Variants in SPATS2L observed in about 807,000 individuals in gnomAD.
SPATS2L encodes the protein SPATS2-like protein.
In SPATS2L, 30 loss-of-function variants were observed where a neutral mutation model predicts 59.6. The ratio of observed to expected loss-of-function variants is 0.50; its 90% CI spans 0.38 to 0.68. SPATS2L has a LOEUF of 0.68. SPATS2L is among the 30% of genes least tolerant of loss of function. SPATS2L has a pLI of 0.00. For synonymous variants in SPATS2L, 252 were observed against 263.5 expected (o/e 0.96, Z 0.42); for missense variants, 615 against 700.0 (o/e 0.88, Z 1.37).
intron 1 of SPATS2L, among the ~76,000 whole-genome samples, chr2:200,315,735 T>G (rs2079349237): frequency 6.6e-6 from 1 of 151,838 alleles, no homozygotes; most frequent in African/African-American, 2.4e-5. Flanking sequence ...TGAGTTGGCC[T>G]GAAGGGCTTT....
intron 2 of SPATS2L, among the ~76,000 whole-genome samples, chr2:200,378,642 T>C (rs1464260702): frequency 6.6e-6 from 1 of 152,212 alleles, no homozygotes; most frequent in Non-Finnish European, 1.5e-5. Context: ...ACTAGGAGTG[T>C]TCTGACTCAA....
At chr2:200,423,729 C>A (rs1372427123) in intron 6 of SPATS2L, among the ~76,000 whole-genome samples, 3 of 152,240 alleles carry the variant, frequency 2.0e-5, no homozygotes, top group African/African-American at 4.8e-5. Flanking sequence ...TATAGTGGAG[C>A]ATTTATCAAG....
Position 200,389,495 on chromosome 2 carries a change from T to C in SPATS2L, c.39+212T>C, listed in dbSNP as rs1462232930. On this transcript the variant is annotated intron_variant, in intron 3 of 12. Transcript: ENST00000409140. ...ATATGACACTCATTTTTTCATTTAC[T>C]CTTGACCATAACCCCATAAAGAAGA... 7 of 477,170 alleles carry C rather than the reference T, an allele frequency of 1.5e-5. 1 individual carries two copies. The highest frequency in any genetic ancestry group is 3.6e-5 in the South Asian group (1 of 28,116). The allele number at this position is 477,170 out of a possible 1,614,324, so 29.6% of individuals were successfully genotyped here. A position where few individuals can be genotyped will look rare whatever the true frequency, so the allele number is the denominator to read the frequency against.
intron 2 of SPATS2L, among the ~76,000 whole-genome samples, chr2:200,387,479 T>A (rs1574352066): frequency 6.6e-6 from 1 of 152,228 alleles, no homozygotes; most frequent in Non-Finnish European, 1.5e-5. Flanking sequence ...ATTTGATAAT[T>A]TGTCTCTCTG....
At chr2:200,427,223 T>A (rs2083630722) in intron 6 of SPATS2L, among the ~76,000 whole-genome samples, 1 of 152,152 alleles carries the variant, frequency 6.6e-6, no homozygotes, top group South Asian at 2.1e-4. Flanking sequence ...AAGATTTAAC[T>A]GTTTCTATTA....
At chr2:200,471,675 C>CATAGG (rs1330268128) in intron 11 of SPATS2L, among the ~76,000 whole-genome samples, 1 of 152,184 alleles carries the variant, frequency 6.6e-6, no homozygotes, top group Non-Finnish European at 1.5e-5. Flanking sequence ...ATCTGGTGAG[C>CATAGG]ATAGGAGCCA....
At chr2:200,429,448 C>T (rs1049152237) in intron 6 of SPATS2L, among the ~76,000 whole-genome samples, 1 of 152,142 alleles carries the variant, frequency 6.6e-6, no homozygotes, top group Non-Finnish European at 1.5e-5. Context: ...GTGTGGCTAC[C>T]AGAGGAACGT....
At chr2:200,465,814 C>T (rs1204584747) in intron 9 of SPATS2L, among the ~76,000 whole-genome samples, 1 of 152,136 alleles carries the variant, frequency 6.6e-6, no homozygotes, top group Non-Finnish European at 1.5e-5. Context: ...AGGCAGATCA[C>T]GAGGTCAGGA....
chr2:200,388,627 A>G (rs1370351215), intron 2 of SPATS2L, among the ~76,000 whole-genome samples: 1 of 139,324 alleles, frequency 7.2e-6, no homozygotes, highest in East Asian at 2.4e-4. Flanking sequence ...CCCCCCACCC[A>G]GAAAAAGACT....
At chr2:200,367,681 A>G (rs2081307316) in intron 2 of SPATS2L, among the ~76,000 whole-genome samples, 1 of 142,750 alleles carries the variant, frequency 7.0e-6, no homozygotes, top group Non-Finnish European at 1.5e-5. Flanking sequence ...CCATATTTAC[A>G]TATCCCAGTA....
intron 2 of SPATS2L, among the ~76,000 whole-genome samples, chr2:200,339,112 A>T (rs962608680): frequency 6.6e-6 from 1 of 152,266 alleles, no homozygotes; most frequent in Non-Finnish European, 1.5e-5. Context: ...AAATTAAAAA[A>T]TGCTAATGTG....
At chr2:200,388,730 T>A (rs1002773074) in intron 2 of SPATS2L, among the ~76,000 whole-genome samples, 7 of 151,620 alleles carry the variant, frequency 4.6e-5, no homozygotes, top group Admixed American at 1.3e-4. Context: ...GTGGGGTGGA[T>A]TCTTATGTTT....
At chr2:200,440,888 C>A in intron 8 of SPATS2L, 104 bp downstream of exon 8, 1 of 1,289,838 alleles carries the variant, frequency 7.8e-7, no homozygotes, top group Non-Finnish European at 1.1e-6. Flanking sequence ...ATAAACATCA[C>A]AGAATAACTC....
At chr2:200,463,269 C>T (rs984022784) in intron 9 of SPATS2L, 2 of 152,176 alleles carry the variant, frequency 1.3e-5, no homozygotes, top group African/African-American at 4.8e-5. Flanking sequence ...GTATTTTTCA[C>T]ACTTTACATT....
chr2:200,403,581 C>G (rs1441566063), intron 3 of SPATS2L, among the ~76,000 whole-genome samples: 1 of 152,120 alleles, frequency 6.6e-6, no homozygotes, highest in Non-Finnish European at 1.5e-5. Context: ...CTCTAGTGTT[C>G]CAATTCATCC....
At position 200,477,955 on chromosome 2, in the gene SPATS2L, A is replaced by G. The variant is rs1220266115; in HGVS notation, c.1601A>G (p.Asn534Ser). The change falls in exon 13 of 13, where the codon AAT becomes AGT. Residue 534 changes from asparagine to serine, a missense_variant. Coordinates refer to ENST00000409140, the MANE Select transcript of SPATS2L (RefSeq NM_001100423.2). ...RGSVGRVSQC[N>S]LCPTRIEVST... is the part of the protein sequence containing the mutation. Reference sequence around the variant, plus strand: ...AGTGTCGGTAGGGTTTCACAGTGCAATCTCTGCCCCACGAGAATAGAAGTT... The same window carrying G: ...AGTGTCGGTAGGGTTTCACAGTGCAGTCTCTGCCCCACGAGAATAGAAGTT... 2.5e-6 allele frequency: 4 copies of G among 1,609,088 alleles called. No homozygotes were observed. Among genetic ancestry groups the G allele is most frequent in the South Asian group, 1.1e-5 (1 of 90,728 alleles).
intron 2 of SPATS2L, among the ~76,000 whole-genome samples, chr2:200,352,697 C>T (rs2080783054): frequency 6.6e-6 from 1 of 152,128 alleles, no homozygotes; most frequent in South Asian, 2.1e-4. Flanking sequence ...AGTGCCAGCA[C>T]ACCTGAATTC....
chr2:200,419,104 A>T, intron 5 of SPATS2L, 146 bp from the exon 6 acceptor site: 1 of 719,744 alleles, frequency 1.4e-6, no homozygotes, highest in Non-Finnish European at 2.2e-6. Context: ...TTGGGTGGTT[A>T]ATAAAGATGT....
intron 4 of SPATS2L, among the ~76,000 whole-genome samples, chr2:200,413,834 T>C (rs1413215612): frequency 6.6e-6 from 1 of 152,234 alleles, no homozygotes; most frequent in Non-Finnish European, 1.5e-5. Flanking sequence ...AGCAAATCCA[T>C]GGTGCATAAC....
Sources: allele counts gnomAD v4.1 joint callset (sites outside exome capture counted in the v4.1 genomes callset), GRCh38; gene constraint gnomAD v4.1.1; transcripts MANE v1.5; gene names NCBI Gene and HGNC (gene_info 2026-07-23, HGNC 2026-07-21).